The following HDAC11 variants were observed in gnomAD, a reference collection of about 807,000 sequenced individuals.
The protein encoded by HDAC11 is histone deacetylase 11.
Under a neutral mutation model 41.1 loss-of-function variants are expected in HDAC11, and 23 were observed. The ratio of observed to expected loss-of-function variants is 0.56; its 90% confidence interval spans 0.40 to 0.79. HDAC11 has a LOEUF of 0.79. Ranked by LOEUF, HDAC11 falls within the 30% of genes least tolerant of loss-of-function variation. HDAC11 has a pLI of 0.00. For missense variants in HDAC11, 402 were observed against 477.3 expected (o/e 0.84, Z 1.47); for synonymous variants, 187 against 186.6 (o/e 1.00, Z -0.02).
chr3:13,484,375 G>T (rs1025925670), intron 3 of HDAC11, among the ~76,000 whole-genome samples: 1 of 152,238 alleles, frequency 6.6e-6, no homozygotes, highest in Non-Finnish European at 1.5e-5. Context: ...GCTCAGCAGA[G>T]AAGAGAAACA....
At position 13,480,945 on chromosome 3, in the gene HDAC11, C is replaced by T; in HGVS notation, c.3-301C>T. ...CGCGGAGGCCTTGCAGCCAGACACA[C>T]CTGAGTGCACGCCTGCTTCTCCACA... On this transcript the variant is annotated intron_variant, in intron 1 of 9. Transcript: ENST00000295757. The surrounding 1 kb of genome is among the most constrained non-coding windows in gnomAD (Gnocchi z 4.6). The T allele has an allele frequency of 2.1e-6, 1 of 476,850 alleles. No homozygotes were observed. The highest frequency in any genetic ancestry group is 2.2e-5 in the South Asian group (1 of 46,478). 29.5% of individuals were successfully genotyped at this position (476,850 alleles called of 1,614,324 possible).
intron 4 of HDAC11, 76 bp from the exon 5 acceptor site, chr3:13,498,437 T>C: frequency 7.0e-6 from 11 of 1,560,718 alleles, no homozygotes; most frequent in Non-Finnish European, 9.7e-6. Flanking sequence ...GTTTATGGAA[T>C]GAGTGCATGA....
At chr3:13,481,055 A>G (rs1200212430) in intron 1 of HDAC11, 191 bp from the exon 2 acceptor site, 22 of 607,954 alleles carry the variant, frequency 3.6e-5, no homozygotes, top group South Asian at 3.6e-4. Context: ...GGCTGCTGTG[A>G]GGACTGGATT....
rs776914580 is a variant in HDAC11 at position 13,485,045 on chromosome 3, C to T, written c.252+1481C>T. On this transcript the variant is annotated intron_variant, in intron 3 of 9. Coordinates refer to ENST00000295757, the MANE Select transcript of HDAC11 (RefSeq NM_024827.4). Reference sequence around the variant, plus strand: ...GTGGATGCCTGAGGCCAGCAGGCCCCTCTGCTCCACAGGTGGAAAAGCCTA... The same window carrying T: ...GTGGATGCCTGAGGCCAGCAGGCCCTTCTGCTCCACAGGTGGAAAAGCCTA... Among the ~76,000 whole-genome samples the T allele has an allele frequency of 5.1e-4, 77 of 152,342 alleles. 1 individual carries two copies. The highest frequency in any genetic ancestry group is 2.8e-4 in the Non-Finnish European group (19 of 68,040).
Position 13,504,690 on chromosome 3 carries a change from C to T in HDAC11, c.*7C>T. 7 of 1,610,616 alleles carry T rather than the reference C, an allele frequency of 4.3e-6. No homozygotes were observed. The highest frequency in any genetic ancestry group is 5.9e-6 in the Non-Finnish European group (7 of 1,177,366). ...TCCCCCTGCAGTGCCCTGACCCTTG[C>T]TGCCCTGCCTGTCACGTGGCCCTGC... On this transcript the variant is annotated 3_prime_UTR_variant, in exon 10 of 10. Transcript: ENST00000295757.
chr3:13,503,777 T>C (rs1271848758), intron 8 of HDAC11, among the ~76,000 whole-genome samples: 5 of 152,118 alleles, frequency 3.3e-5, no homozygotes, highest in Non-Finnish European at 7.4e-5. Context: ...ACCTCACATG[T>C]GCTGAGCCTG....
intron 9 of HDAC11, 45 bp from the exon 10 acceptor site, chr3:13,504,423 A>T: frequency 6.2e-7 from 1 of 1,603,566 alleles, no homozygotes; most frequent in Non-Finnish European, 8.5e-7. Context: ...TCCTGACACC[A>T]TGGGGGTCTG....
At position 13,480,343 on chromosome 3, in the gene HDAC11, C is replaced by G. The variant is rs1410443471; in HGVS notation, c.-5C>G. 13 of 1,222,320 alleles carry G rather than the reference C, an allele frequency of 1.1e-5. No individual in the cohort carries two copies. In the East Asian group the frequency reaches 2.9e-4, roughly 27 times the overall value. The allele number at this position is 1,222,320 out of a possible 1,614,324, so 75.7% of individuals were successfully genotyped here. A position where few individuals can be genotyped will look rare whatever the true frequency, so the allele number is the denominator to read the frequency against. On this transcript the variant is annotated 5_prime_UTR_variant, in exon 1 of 10. Transcript: ENST00000295757. This position sits in a 1 kb window ranked among gnomAD's most constrained non-coding sequence, Gnocchi z 4.6. ...GCGGCCAGCTTTGGGAGGGCCGGCC[C>G]CGGGATGTGAGTGCCGCGGGGCGAG... is the stretch of plus-strand genomic sequence containing the variant.
intron 3 of HDAC11, among the ~76,000 whole-genome samples, chr3:13,488,938 C>T (rs959825788): frequency 1.3e-5 from 2 of 151,900 alleles, no homozygotes; most frequent in Middle Eastern, 3.2e-3. Context: ...TTTTTCCCCC[C>T]CAGTGTGGCC....
chr3:13,486,934 G>A (rs1448999406), intron 3 of HDAC11, among the ~76,000 whole-genome samples: 3 of 152,142 alleles, frequency 2.0e-5, no homozygotes, highest in Non-Finnish European at 4.4e-5. Context: ...GGAGGGTGGA[G>A]GGGACTTGAT....
intron 3 of HDAC11, 50 bp downstream of exon 3, chr3:13,483,614 T>C (rs1463324405): frequency 2.8e-6 from 4 of 1,419,224 alleles, no homozygotes; most frequent in Non-Finnish European, 4.0e-6. Context: ...AGGGGGCTGC[T>C]GGCCAGGAGT....
At chr3:13,501,415 G>A (rs1367603888) in intron 6 of HDAC11, among the ~76,000 whole-genome samples, 3 of 152,184 alleles carry the variant, frequency 2.0e-5, no homozygotes, top group Non-Finnish European at 2.9e-5. Context: ...TTAGGAGAAG[G>A]GGGAAGCACA....
intron 3 of HDAC11, among the ~76,000 whole-genome samples, chr3:13,493,981 G>C (rs906884780): frequency 6.6e-6 from 1 of 152,240 alleles, no homozygotes; most frequent in African/African-American, 2.4e-5. Context: ...CTGACATCTG[G>C]GGGGAGCAAA....
chr3:13,500,137 G>A (rs1031370714), intron 5 of HDAC11, among the ~76,000 whole-genome samples: 3 of 152,116 alleles, frequency 2.0e-5, no homozygotes, highest in Admixed American at 6.5e-5. Flanking sequence ...CACACTGTCT[G>A]ACGGAGCAGT....
chr3:13,499,586 C>T (rs538344192), intron 5 of HDAC11, among the ~76,000 whole-genome samples: 2 of 152,246 alleles, frequency 1.3e-5, no homozygotes, highest in Non-Finnish European at 2.9e-5. Context: ...AGCAGGGTCC[C>T]CCAGCCTTTG....
chr3:13,491,763 A>G (rs1701876447), intron 3 of HDAC11, among the ~76,000 whole-genome samples: 1 of 152,362 alleles, frequency 6.6e-6, no homozygotes, highest in South Asian at 2.1e-4. Context: ...GGCTACATGC[A>G]GGCCATGCCC....
chr3:13,503,039 G>C, intron 8 of HDAC11, 59 bp downstream of exon 8: 5 of 1,306,190 alleles, frequency 3.8e-6, no homozygotes, highest in Non-Finnish European at 5.5e-6. Context: ...GCTCTCTCCT[G>C]AGTGTCTCCT....
chr3:13,503,162 C>A, intron 8 of HDAC11, 182 bp downstream of exon 8: 1 of 495,416 alleles, frequency 2.0e-6, no homozygotes, highest in Non-Finnish European at 3.6e-6. Context: ...TCGACCCACC[C>A]AAGATCACAT....
chr3:13,498,619 G>T (rs1280327523), intron 5 of HDAC11, 64 bp downstream of exon 5: 8 of 1,506,590 alleles, frequency 5.3e-6, no homozygotes, highest in Non-Finnish European at 7.4e-6. Flanking sequence ...CTGAAAGGGG[G>T]CTGGGGGAGG....
Sources: gnomAD v4.1 joint callset for allele counts (sites outside exome capture counted in the v4.1 genomes callset) on GRCh38, gnomAD v4.1.1 for gene constraint, Gnocchi (gnomAD v3.1) non-coding constraint, MANE v1.5 for transcripts, NCBI Gene and HGNC (gene_info 2026-07-23, HGNC 2026-07-21) for gene names.